CHD1L: variants seen among roughly 807,000 people sequenced by gnomAD.
CHD1L encodes chromodomain helicase DNA binding protein 1 like.
A neutral mutation model predicts 115.9 loss-of-function variants in CHD1L; 118 were observed. The ratio of observed to expected loss-of-function variants is 1.02; its 90% CI spans 0.88 to 1.19. CHD1L has a LOEUF of 1.19. Among genes scored for constraint, CHD1L ranks in the 50% most tolerant of loss-of-function variants. The pLI is 0.00. For synonymous variants in CHD1L, 411 were observed against 387.1 expected (o/e 1.06, Z -0.72); for missense variants, 1,179 against 1,065.3 (o/e 1.11, Z -1.49).
At chr1:147,208,816 G>T in the CHD1L span, 3 of 1,554,358 alleles carry the variant, frequency 1.9e-6, no homozygotes, top group Non-Finnish European at 2.7e-6. Context: ...CTTGTGCTTT[G>T]GCCACTATCC....
the CHD1L span, chr1:147,178,163 C>A: frequency 6.2e-7 from 1 of 1,609,936 alleles, no homozygotes; most frequent in Non-Finnish European, 8.5e-7. Flanking sequence ...CTGCTTCTCG[C>A]CGCGGCCCGC....
the CHD1L span, among the ~76,000 whole-genome samples, chr1:147,181,537 T>C: frequency 2.8e-4 from 42 of 152,180 alleles, no homozygotes; most frequent in African/African-American, 9.7e-4. Context: ...TTTGCGGAGA[T>C]AGGTTATATG....
At chr1:147,240,759 AG>A, upstream of CHD1L, among the ~76,000 whole-genome samples, 2 of 152,210 alleles carry the variant, frequency 1.3e-5, 1 homozygote, top group East Asian at 3.9e-4. Context: ...TCAAAAGCAC[AG>A]GACTTTTTTC....
chr1:147,293,249 A>C (rs2297751), intron 20 of CHD1L, among the ~76,000 whole-genome samples: 3,188 of 152,222 alleles, frequency 0.021, 128 homozygotes, highest in East Asian at 0.17. Flanking sequence ...CTCAGGCATC[A>C]AAGGGCTGGG....
chr1:147,179,313 A>G, the CHD1L span: 1 of 1,607,916 alleles, frequency 6.2e-7, no homozygotes, highest in Non-Finnish European at 8.5e-7. Flanking sequence ...TGCTGATTGA[A>G]TTTTATGCCC....
At chr1:147,269,478 G>A (rs1169926993) in intron 10 of CHD1L, among the ~76,000 whole-genome samples, 3 of 151,942 alleles carry the variant, frequency 2.0e-5, no homozygotes, top group African/African-American at 7.2e-5. Context: ...AGACCATCTT[G>A]GCCAACATGG....
the CHD1L span, chr1:147,178,080 A>AC: frequency 7.5e-7 from 1 of 1,330,724 alleles, no homozygotes; most frequent in Non-Finnish European, 1.0e-6. Context: ...TCGAGCCGCG[A>AC]CCCTTCCGGC....
chr1:147,234,507 C>T, the CHD1L span, among the ~76,000 whole-genome samples: 4 of 152,352 alleles, frequency 2.6e-5, no homozygotes, highest in African/African-American at 9.6e-5. Context: ...TCCTAAGCCG[C>T]AGAACCTGTG....
the CHD1L span, chr1:147,175,842 A>T: frequency 6.6e-6 from 1 of 151,804 alleles, no homozygotes; most frequent in Non-Finnish European, 1.5e-5. Context: ...ATATTGATGA[A>T]TCTCAAATGC....
intron 5 of CHD1L, among the ~76,000 whole-genome samples, chr1:147,258,350 GC>G (rs1670787279): frequency 6.6e-6 from 1 of 152,118 alleles, no homozygotes; most frequent in Admixed American, 6.5e-5. Flanking sequence ...CCACTCTGTA[GC>G]CTGTTTCACT....
At chr1:147,274,893 C>G (rs1181014606) in intron 12 of CHD1L, among the ~76,000 whole-genome samples, 1 of 152,166 alleles carries the variant, frequency 6.6e-6, no homozygotes, top group Non-Finnish European at 1.5e-5. Context: ...AACTTTTTAT[C>G]AGAGATCTTG....
intron 14 of CHD1L, among the ~76,000 whole-genome samples, chr1:147,279,423 G>T (rs1034738185): frequency 6.6e-6 from 1 of 152,190 alleles, no homozygotes; most frequent in Non-Finnish European, 1.5e-5. Context: ...GAGAAGAGAA[G>T]CAGGATAGTG....
Position 147,295,430 on chromosome 1 carries a change from G to A in CHD1L, c.2616-1G>A, listed in dbSNP as rs782291956. 4.4e-6 allele frequency: 7 copies of A among 1,601,290 alleles called. No individual in the cohort carries two copies. The highest frequency in any genetic ancestry group is 1.1e-5 in the South Asian group (1 of 90,704). On this transcript the variant is annotated splice_acceptor_variant, in intron 22 of 22. Coordinates refer to ENST00000369258, the MANE Select transcript of CHD1L (RefSeq NM_004284.6). LOFTEE classifies it high-confidence loss of function. Reference sequence around the variant, plus strand: ...GTATCTTCCTTGACCATCCTTATCAGATATTATTTTCCTAGAAGCAAGTCT... The same window carrying A: ...GTATCTTCCTTGACCATCCTTATCAAATATTATTTTCCTAGAAGCAAGTCT...
In CHD1L at chr1:147,291,465, T is replaced by C; in HGVS notation, c.2321-17T>C. Reference sequence around the variant, plus strand: ...AACTTGGTGTTCTTTATGTTGCTCCTTTCTGTTTTACCTCAGACCTGAGTT... The same window carrying C: ...AACTTGGTGTTCTTTATGTTGCTCCCTTCTGTTTTACCTCAGACCTGAGTT... On this transcript the variant is annotated splice_polypyrimidine_tract_variant and intron_variant, in intron 19 of 22. Transcript: ENST00000369258. 1.2e-6 allele frequency: 2 copies of C among 1,606,566 alleles called. No individual in the cohort carries two copies. Among genetic ancestry groups the C allele is most frequent in the South Asian group, 1.1e-5 (1 of 90,932 alleles).
At chr1:147,262,621 A>G (rs1672353016) in intron 6 of CHD1L, among the ~76,000 whole-genome samples, 1 of 152,130 alleles carries the variant, frequency 6.6e-6, no homozygotes, top group Non-Finnish European at 1.5e-5. Flanking sequence ...ACTTTTGACA[A>G]GTTCCCATAC....
chr1:147,185,052 G>A, the CHD1L span, among the ~76,000 whole-genome samples: 2 of 152,006 alleles, frequency 1.3e-5, no homozygotes, highest in Admixed American at 6.6e-5. Flanking sequence ...AACAAGATAT[G>A]GTAAATTGAT....
chr1:147,286,750 C>T (rs1420932241), intron 18 of CHD1L, among the ~76,000 whole-genome samples: 1 of 152,180 alleles, frequency 6.6e-6, no homozygotes, highest in Non-Finnish European at 1.5e-5. Flanking sequence ...TCTGTCTTAT[C>T]CTCTGCACAA....
intron 14 of CHD1L, among the ~76,000 whole-genome samples, chr1:147,278,788 C>T (rs782701814): frequency 6.6e-6 from 1 of 152,098 alleles, no homozygotes; most frequent in Non-Finnish European, 1.5e-5. Flanking sequence ...TAGACACTAT[C>T]TTTATCCCCA....
At chr1:147,262,707 G>C (rs1044174542) in intron 6 of CHD1L, among the ~76,000 whole-genome samples, 2 of 108,958 alleles carry the variant, frequency 1.8e-5, no homozygotes, top group Non-Finnish European at 4.1e-5. Context: ...CATTTAAAAA[G>C]AAACAAATAA....
Sources: gnomAD v4.1 joint callset for allele counts (sites outside exome capture counted in the v4.1 genomes callset) on GRCh38, gnomAD v4.1.1 for gene constraint, MANE v1.5 for transcripts, NCBI Gene and HGNC (gene_info 2026-07-23, HGNC 2026-07-21) for gene names.